SASH1: variants seen among roughly 807,000 people sequenced by gnomAD.
SASH1 encodes SAM and SH3 domain containing 1.
Under a neutral mutation model 125.2 loss-of-function variants are expected in SASH1, and 44 were observed. The ratio of observed to expected loss-of-function variants is 0.35; its 90% confidence interval spans 0.28 to 0.45. The LOEUF (loss-of-function observed/expected upper bound fraction) is 0.45. Among genes scored for constraint, SASH1 ranks in the 20% least tolerant of loss-of-function variants. SASH1 has a pLI of 1.00. For synonymous variants in SASH1, 639 were observed against 649.1 expected, an observed-to-expected ratio of 0.98 and a Z score of 0.24; for missense variants, 1,426 against 1,614.5, an observed-to-expected ratio of 0.88 and a Z score of 2.00.
the SASH1 span, among the ~76,000 whole-genome samples, chr6:148,206,275 A>C: frequency 6.6e-6 from 1 of 152,142 alleles, no homozygotes; most frequent in Non-Finnish European, 1.5e-5. Flanking sequence ...ACATACCTTC[A>C]TAATGGATCT....
chr6:148,372,099 A>C (rs1782726298), intron 1 of SASH1, among the ~76,000 whole-genome samples: 1 of 152,208 alleles, frequency 6.6e-6, no homozygotes, highest in African/African-American at 2.4e-5. Flanking sequence ...TTTAGATTGC[A>C]GTTACATAAG....
chr6:148,246,713 C>G, the SASH1 span, among the ~76,000 whole-genome samples: 3 of 152,208 alleles, frequency 2.0e-5, no homozygotes, highest in African/African-American at 4.8e-5. Context: ...TGTAAACAAA[C>G]AGCTGAAAGA....
At chr6:148,301,745 A>AT (rs34707015) in intron 1 of SASH1, among the ~76,000 whole-genome samples, 26,749 of 102,466 alleles carry the variant, frequency 0.26, 3,969 homozygotes, top group Non-Finnish European at 0.32. Context: ...CATCTTGGTG[A>AT]TTTTTTTTTT....
chr6:148,328,688 C>G (rs1052266147), intron 1 of SASH1, among the ~76,000 whole-genome samples: 19 of 152,064 alleles, frequency 1.2e-4, no homozygotes, highest in African/African-American at 4.3e-4. Flanking sequence ...AAAACTTACC[C>G]AGCCTGGGAT....
intron 5 of SASH1, among the ~76,000 whole-genome samples, chr6:148,469,531 G>A (rs761671556): frequency 2.9e-4 from 44 of 152,062 alleles, no homozygotes; most frequent in Non-Finnish European, 4.1e-4. Flanking sequence ...CCAGGAGTTC[G>A]AGACTGACCT....
intron 1 of SASH1, among the ~76,000 whole-genome samples, chr6:148,276,433 C>G (rs1158234265): frequency 6.6e-6 from 1 of 152,140 alleles, no homozygotes; most frequent in Non-Finnish European, 1.5e-5. Flanking sequence ...CTAGCATTAC[C>G]TTTTTACAGC....
chr6:148,257,569 C>T, the SASH1 span, among the ~76,000 whole-genome samples: 1 of 151,480 alleles, frequency 6.6e-6, no homozygotes, highest in African/African-American at 2.4e-5. Context: ...GTTTTCAAAG[C>T]ATAAGTCTGC....
At position 148,544,493 on chromosome 6, in the gene SASH1, G is replaced by A. The variant is rs770138996; in HGVS notation, c.3023G>A (p.Ser1008Asn). ...NGLHPVPMGP[S>N]GALPSPDAPC... The stretch of plus-strand genomic sequence containing the variant: ...CTCCACCCTGTTCCCATGGGCCCCA[G>A]TGGGGCCCTCCCCAGTCCCGATGCG... Residue 1008 changes from serine to asparagine, a missense_variant, in exon 18 of 20, where the codon AGT (serine) becomes AAT (asparagine). Ser to Asn is a conservative substitution (Grantham distance 46). Coordinates refer to ENST00000367467, the MANE Select transcript of SASH1 (RefSeq NM_015278.5). The surrounding 1 kb of genome is among the most constrained non-coding windows in gnomAD (Gnocchi z 6.4). 2 of 1,613,908 alleles carry A rather than the reference G, an allele frequency of 1.2e-6. No homozygotes were observed. Among genetic ancestry groups the A allele is most frequent in the Non-Finnish European group, 1.7e-6 (2 of 1,179,986 alleles).
chr6:148,318,697 C>G (rs1412402891), intron 1 of SASH1, among the ~76,000 whole-genome samples: 2 of 145,644 alleles, frequency 1.4e-5, no homozygotes, highest in African/African-American at 4.9e-5. Flanking sequence ...GGACTACAGG[C>G]GCCGGCCACC....
Position 148,534,872 on chromosome 6 carries a change from C to G in SASH1, c.2066C>G (p.Thr689Arg). The G allele has an allele frequency of 1.2e-6, 2 of 1,614,232 alleles. No individual in the cohort carries two copies. Among genetic ancestry groups the G allele is most frequent in the Non-Finnish European group, 1.7e-6 (2 of 1,180,036 alleles). Reference protein sequence around the residue: ...RDPEHRAVLLTAVELLQEYDS... With the variant: ...RDPEHRAVLLRAVELLQEYDS... Reference sequence around the variant, plus strand: ...CCGGAACACAGAGCTGTTCTCTTGACAGCAGTGGAGCTGTTACAAGAGTAT... The same window carrying G: ...CCGGAACACAGAGCTGTTCTCTTGAGAGCAGTGGAGCTGTTACAAGAGTAT... Residue 689 changes from threonine (T) to arginine (R), a missense_variant, in exon 16 of 20, where the codon ACA (threonine) becomes AGA (arginine). By Grantham distance (71) the Thr-to-Arg change is moderately conservative. Coordinates refer to ENST00000367467, the MANE Select transcript of SASH1 (RefSeq NM_015278.5).
At chr6:148,439,403 A>G (rs897461803) in intron 2 of SASH1, among the ~76,000 whole-genome samples, 1 of 152,358 alleles carries the variant, frequency 6.6e-6, no homozygotes, top group East Asian at 1.9e-4. Context: ...GCAAGATAAC[A>G]TTCAGTTAGC....
the SASH1 span, among the ~76,000 whole-genome samples, chr6:148,230,578 C>T: frequency 6.6e-6 from 1 of 152,212 alleles, no homozygotes; most frequent in South Asian, 2.1e-4. Flanking sequence ...CGAATACTGA[C>T]AGTTTTCCAA....
intron 1 of SASH1, among the ~76,000 whole-genome samples, chr6:148,308,284 A>C (rs1780197994): frequency 7.2e-6 from 1 of 139,520 alleles, no homozygotes; most frequent in Non-Finnish European, 1.6e-5. Flanking sequence ...GCCCCCCCCA[A>C]AAATGTATAA....
At position 148,533,867 on chromosome 6, in the gene SASH1, G is replaced by A. The variant is rs1214684258; in HGVS notation, c.1831G>A (p.Asp611Asn). ...CGGCACGTTCAAGTTCATCTACGTG[G>A]ACGTGCTCAGTGAAGACGAGGAGAA... ...KVGTFKFIYV[D>N]VLSEDEEKPK... The change falls in exon 15 of 20, where the codon GAC (aspartate) becomes AAC (asparagine). Residue 611 changes from aspartate to asparagine, a missense_variant. Physicochemically the swap from Asp to Asn is conservative, Grantham distance 23. This residue lies in a region of SASH1 where 225 missense variants were observed against 344.5 expected (regional missense o/e 0.65). Transcript: ENST00000367467. The surrounding 1 kb of genome is among the most constrained non-coding windows in gnomAD (Gnocchi z 6.2). The A allele has an allele frequency of 3.1e-6, 5 of 1,614,096 alleles. No homozygotes were observed. Among genetic ancestry groups the A allele is most frequent in the East Asian group, 2.2e-5 (1 of 44,874 alleles).
chr6:148,535,695 C>T (rs1583319567), intron 16 of SASH1, among the ~76,000 whole-genome samples: 2 of 152,202 alleles, frequency 1.3e-5, no homozygotes, highest in Non-Finnish European at 2.9e-5. Flanking sequence ...TCCATTAACT[C>T]AGTCTTATCT....
rs898574443 is a variant in SASH1, at chr6:148,390,155, G to A, written c.178G>A (p.Asp60Asn). The A allele has an allele frequency of 5.0e-6, 8 of 1,613,352 alleles. No homozygotes were observed. Among genetic ancestry groups the A allele is most frequent in the African/African-American group, 2.7e-5 (2 of 74,892 alleles). The change falls in exon 2 of 20, where the codon GAT (aspartate) becomes AAT (asparagine). Residue 60 changes from aspartate (D) to asparagine (N), a missense_variant. Transcript: ENST00000367467. The stretch of plus-strand genomic sequence containing the variant: ...TCAGGACGGTTCACTGGGAAACATC[G>A]ATGACCTGGCGCAGCAGTATGCAGA... ...GILDGSLGNI[D>N]DLAQQYADYY...
intron 2 of SASH1, among the ~76,000 whole-genome samples, chr6:148,433,873 A>G (rs78923743): frequency 0.19 from 28,106 of 151,770 alleles, 2,984 homozygotes; most frequent in East Asian, 0.29. Flanking sequence ...TAATTTGTAT[A>G]TGTATACTTT....
chr6:148,540,645 T>C, intron 17 of SASH1, 89 bp downstream of exon 17: 2 of 941,322 alleles, frequency 2.1e-6, no homozygotes, highest in Non-Finnish European at 3.4e-6. Context: ...TCTATTCCTG[T>C]CATGAACTCA....
chr6:148,364,543 G>A (rs1303964752), intron 1 of SASH1, among the ~76,000 whole-genome samples: 1 of 152,188 alleles, frequency 6.6e-6, no homozygotes, highest in Non-Finnish European at 1.5e-5. Flanking sequence ...AAAGTTGCCT[G>A]TCCTGAGCAC....
Sources: gnomAD v4.1 joint callset for allele counts (sites outside exome capture counted in the v4.1 genomes callset) on GRCh38, gnomAD v4.1.1 for gene constraint, gnomAD v4.1.1 regional missense constraint, Gnocchi (gnomAD v3.1) non-coding constraint, MANE v1.5 for transcripts, NCBI Gene and HGNC (gene_info 2026-07-23, HGNC 2026-07-21) for gene names.